The following SGCZ variants were observed in gnomAD, a reference collection of about 807,000 sequenced individuals.
SGCZ encodes zeta-sarcoglycan.
A neutral mutation model predicts 41.3 loss-of-function variants in SGCZ; 40 were observed. That is an observed-to-expected ratio of 0.97 (90% CI 0.75 to 1.26). The LOEUF is 1.26. Among genes scored for constraint, SGCZ ranks in the 50% most tolerant of loss-of-function variants. The probability of loss-of-function intolerance (pLI) is 0.00; values close to 1 mark genes in which losing one functional copy is unlikely to be tolerated. For missense variants in SGCZ, 552 were observed against 369.8 expected, an observed-to-expected ratio of 1.49 and a Z score of -4.04; for synonymous variants, 206 against 137.5, an observed-to-expected ratio of 1.50 and a Z score of -3.49.
At chr8:14,877,994 T>A (rs1246570006) in intron 1 of SGCZ, among the ~76,000 whole-genome samples, 4 of 151,940 alleles carry the variant, frequency 2.6e-5, no homozygotes, top group Non-Finnish European at 5.9e-5. Flanking sequence ...TTTAAACAAA[T>A]CTCTAAGAAA....
chr8:14,802,936 A>C (rs1273533051), intron 1 of SGCZ, among the ~76,000 whole-genome samples: 3 of 152,170 alleles, frequency 2.0e-5, no homozygotes, highest in African/African-American at 4.8e-5. Context: ...AGGACCTTAT[A>C]AAACTCCTCC....
intron 1 of SGCZ, among the ~76,000 whole-genome samples, chr8:14,727,780 G>T (rs1003039269): frequency 6.6e-6 from 1 of 152,004 alleles, no homozygotes; most frequent in East Asian, 1.9e-4. Flanking sequence ...CCAAAGTGCT[G>T]GGCGTGAGCC....
chr8:15,039,826 C>T (rs770862833), intron 1 of SGCZ, among the ~76,000 whole-genome samples: 1 of 152,134 alleles, frequency 6.6e-6, no homozygotes, highest in Admixed American at 6.5e-5. Flanking sequence ...ATTTTACATA[C>T]GTATGTGTAT....
intron 2 of SGCZ, among the ~76,000 whole-genome samples, chr8:14,514,096 A>G (rs1485642000): frequency 6.6e-6 from 1 of 151,868 alleles, no homozygotes; most frequent in Non-Finnish European, 1.5e-5. Context: ...GTCCTTTGAG[A>G]AGATTTTCTT....
At chr8:14,581,326 C>T (rs1050056625) in intron 1 of SGCZ, among the ~76,000 whole-genome samples, 1 of 152,060 alleles carries the variant, frequency 6.6e-6, no homozygotes, top group Non-Finnish European at 1.5e-5. Flanking sequence ...AGGCTGGTCT[C>T]GACCTCCTGG....
intron 1 of SGCZ, among the ~76,000 whole-genome samples, chr8:14,920,760 T>C (rs1192199413): frequency 6.6e-6 from 1 of 152,222 alleles, no homozygotes; most frequent in Non-Finnish European, 1.5e-5. Flanking sequence ...TTAGGATACT[T>C]AATTTATACC....
chr8:14,432,872 C>A (rs1382005492), intron 2 of SGCZ, among the ~76,000 whole-genome samples: 1 of 124,660 alleles, frequency 8.0e-6, no homozygotes, highest in African/African-American at 3.1e-5. Context: ...CAAGATCGTG[C>A]TACTGCACTC....
intron 1 of SGCZ, among the ~76,000 whole-genome samples, chr8:14,870,149 A>T (rs544809724): frequency 6.6e-6 from 1 of 152,300 alleles, no homozygotes; most frequent in South Asian, 2.1e-4. Flanking sequence ...AGCTGGAGGC[A>T]TCACACTACC....
intron 1 of SGCZ, among the ~76,000 whole-genome samples, chr8:14,855,909 G>A (rs1468849401): frequency 6.6e-6 from 1 of 152,082 alleles, no homozygotes; most frequent in East Asian, 1.9e-4. Context: ...AAAAGGAAAA[G>A]ACCCAACTTT....
chr8:14,459,588 G>T (rs749370721), intron 2 of SGCZ, among the ~76,000 whole-genome samples: 13 of 152,194 alleles, frequency 8.5e-5, no homozygotes, highest in Non-Finnish European at 1.6e-4. Context: ...TAGTCTGAAA[G>T]TATCTATCTC....
chr8:14,201,447 A>C (rs527296561), intron 4 of SGCZ, among the ~76,000 whole-genome samples: 4 of 152,314 alleles, frequency 2.6e-5, no homozygotes, highest in African/African-American at 9.6e-5. Context: ...CCTTAGTAAT[A>C]AAAAGGAACA....
chr8:14,505,062 T>A (rs1802264927), intron 2 of SGCZ, among the ~76,000 whole-genome samples: 1 of 152,138 alleles, frequency 6.6e-6, no homozygotes, highest in African/African-American at 2.4e-5. Context: ...GGCATGAGAA[T>A]GGCTTGAGCT....
At chr8:15,104,830 A>AT (rs1301307083) in intron 1 of SGCZ, among the ~76,000 whole-genome samples, 1 of 152,130 alleles carries the variant, frequency 6.6e-6, no homozygotes, top group South Asian at 2.1e-4. Context: ...ACATGGTTTC[A>AT]TTTTTGCTTT....
chr8:14,230,648 C>T (rs1563199555), intron 4 of SGCZ, among the ~76,000 whole-genome samples: 1 of 151,974 alleles, frequency 6.6e-6, no homozygotes, highest in South Asian at 2.1e-4. Context: ...ATACTGTATA[C>T]ATCATATGAT....
chr8:15,059,763 G>A (rs531659565), intron 1 of SGCZ, among the ~76,000 whole-genome samples: 13 of 152,306 alleles, frequency 8.5e-5, no homozygotes, highest in South Asian at 2.1e-4. Flanking sequence ...CAGTTAGCAC[G>A]TTTTGAATAG....
At chr8:14,908,128 T>C (rs773532411) in intron 1 of SGCZ, among the ~76,000 whole-genome samples, 1 of 152,142 alleles carries the variant, frequency 6.6e-6, no homozygotes, top group African/African-American at 2.4e-5. Flanking sequence ...AGGTAGTTAA[T>C]AGAACCTTTT....
chr8:15,121,174 C>T (rs939960317), intron 1 of SGCZ, among the ~76,000 whole-genome samples: 7 of 152,122 alleles, frequency 4.6e-5, no homozygotes, highest in South Asian at 2.1e-4. Context: ...TTATGGTGAG[C>T]CATCTTTTCA....
At chr8:14,702,925 GTAGA>G (rs1159190492) in intron 1 of SGCZ, among the ~76,000 whole-genome samples, 17,705 of 125,822 alleles carry the variant, frequency 0.14, 1,413 homozygotes, top group Non-Finnish European at 0.19. Flanking sequence ...AGTTAGGTAG[GTAGA>G]TAGATAGATA....
chr8:14,837,935 C>T (rs915318819), intron 1 of SGCZ, among the ~76,000 whole-genome samples: 6 of 152,042 alleles, frequency 3.9e-5, no homozygotes, highest in African/African-American at 1.4e-4. Flanking sequence ...ATTCCAATTC[C>T]ACTCTTTTAG....
Sources: allele counts gnomAD v4.1 joint callset (sites outside exome capture counted in the v4.1 genomes callset), GRCh38; gene constraint gnomAD v4.1.1; transcripts MANE v1.5; gene names NCBI Gene and HGNC (gene_info 2026-07-23, HGNC 2026-07-21).